Variants in TRAPPC9 observed in about 807,000 individuals in gnomAD.
The protein encoded by TRAPPC9 is trafficking protein particle complex subunit 9.
A neutral mutation model predicts 124.0 loss-of-function variants in TRAPPC9; 83 were observed. That is an observed-to-expected ratio of 0.67 (90% confidence interval 0.56 to 0.80). The LOEUF (loss-of-function observed/expected upper bound fraction) is 0.80, where lower values mean the gene tolerates loss of function less well. Ranked by LOEUF, TRAPPC9 falls within the 30% of genes least tolerant of loss-of-function variation. The pLI is 0.00. For synonymous variants in TRAPPC9, 638 were observed against 617.5 expected (o/e 1.03, Z -0.49); for missense variants, 1,302 against 1,508.3 (o/e 0.86, Z 2.27).
intron 21 of TRAPPC9, among the ~76,000 whole-genome samples, chr8:139,739,905 T>C (rs576510121): frequency 6.6e-6 from 1 of 152,092 alleles, no homozygotes; most frequent in African/African-American, 2.4e-5. Flanking sequence ...GCTGGACACA[T>C]AGATGGATGA....
intron 17 of TRAPPC9, among the ~76,000 whole-genome samples, chr8:140,178,981 T>G (rs1391554251): frequency 6.6e-6 from 1 of 152,148 alleles, no homozygotes; most frequent in South Asian, 2.1e-4. Context: ...GATATTGATA[T>G]GTTATGTCTT....
At chr8:140,283,786 T>C in intron 14 of TRAPPC9, 103 bp downstream of exon 14, 3 of 1,248,012 alleles carry the variant, frequency 2.4e-6, no homozygotes, top group Non-Finnish European at 2.3e-6. Context: ...TATATTCTGG[T>C]CATAAGAATT....
rs745940163 is a variant in TRAPPC9 at position 140,435,094 on chromosome 8, A to G, written c.859+18T>C. 3.1e-6 allele frequency: 5 copies of G among 1,614,152 alleles called. No homozygotes were observed. Among genetic ancestry groups the G allele is most frequent in the South Asian group, 2.2e-5 (2 of 91,074 alleles). The stretch of plus-strand genomic sequence containing the variant: ...AAGACTGCAAGTGAGCAGAGGCCGG[A>G]AAAAGGGCAGAGCTCACCTGGCCGG... On this transcript the variant is annotated intron_variant, in intron 4 of 22. Transcript: ENST00000438773.
intron 20 of TRAPPC9, among the ~76,000 whole-genome samples, chr8:139,888,372 A>G (rs563933196): frequency 1.3e-5 from 2 of 152,268 alleles, no homozygotes; most frequent in Admixed American, 6.5e-5. Flanking sequence ...CACTTTCTTC[A>G]TCTGTAAGAT....
At chr8:140,142,005 T>C (rs1035068477) in intron 17 of TRAPPC9, among the ~76,000 whole-genome samples, 5 of 152,228 alleles carry the variant, frequency 3.3e-5, no homozygotes, top group Admixed American at 6.5e-5. Flanking sequence ...TGATAGACTC[T>C]TCCAAGGCAA....
intron 21 of TRAPPC9, among the ~76,000 whole-genome samples, chr8:139,786,151 T>C (rs1822227748): frequency 6.6e-6 from 1 of 152,118 alleles, no homozygotes; most frequent in African/African-American, 2.4e-5. Context: ...GAGGTTGCAG[T>C]GAGCCAAGAT....
chr8:140,417,992 A>G (rs1256624104), intron 5 of TRAPPC9, among the ~76,000 whole-genome samples: 2 of 152,204 alleles, frequency 1.3e-5, no homozygotes, highest in South Asian at 2.1e-4. Context: ...GTTCTCACTC[A>G]TAAGTGGGAG....
chr8:140,051,576 C>CTTTTTTTTTTTT (rs1197128988), intron 17 of TRAPPC9, among the ~76,000 whole-genome samples: 3 of 88,010 alleles, frequency 3.4e-5, no homozygotes, highest in African/African-American at 4.7e-5. Flanking sequence ...ATTGTTCATT[C>CTTTTTTTTTTTT]TTTTTTTTTT....
intron 19 of TRAPPC9, among the ~76,000 whole-genome samples, chr8:139,968,084 G>C (rs887143054): frequency 6.6e-6 from 1 of 151,400 alleles, no homozygotes; most frequent in African/African-American, 2.4e-5. Flanking sequence ...GAGGTTGGGA[G>C]ACTGCAGTGA....
At chr8:140,328,348 G>C (rs1485425586) in intron 9 of TRAPPC9, among the ~76,000 whole-genome samples, 1 of 152,142 alleles carries the variant, frequency 6.6e-6, no homozygotes, top group East Asian at 1.9e-4. Context: ...TACTTAGGTA[G>C]AAATCTAACA....
At chr8:139,909,839 G>A (rs534838786) in intron 20 of TRAPPC9, among the ~76,000 whole-genome samples, 1 of 152,332 alleles carries the variant, frequency 6.6e-6, no homozygotes, top group Admixed American at 6.5e-5. Context: ...GCACTGATAG[G>A]TGGCCATTAG....
chr8:140,057,851 A>T (rs1039778568), intron 17 of TRAPPC9, among the ~76,000 whole-genome samples: 1 of 152,238 alleles, frequency 6.6e-6, no homozygotes, highest in African/African-American at 2.4e-5. Flanking sequence ...CACAATGGAA[A>T]AAAAATGAGA....
At chr8:139,815,368 C>T (rs1232123056) in intron 21 of TRAPPC9, among the ~76,000 whole-genome samples, 1 of 151,726 alleles carries the variant, frequency 6.6e-6, no homozygotes, top group Non-Finnish European at 1.5e-5. Flanking sequence ...ATTTCTAAAT[C>T]ACCACAACTA....
At position 140,243,881 on chromosome 8, in the gene TRAPPC9, T is replaced by C. The variant is rs148767415; in HGVS notation, c.2431+8896A>G. 1.0e-3 allele frequency among the ~76,000 whole-genome samples: 152 copies of C among 152,360 alleles called. No homozygotes were observed. The East Asian group carries it at 0.024, about 24-fold the overall frequency. On this transcript the variant is annotated intron_variant, in intron 16 of 22. Coordinates refer to ENST00000438773, the MANE Select transcript of TRAPPC9 (RefSeq NM_001160372.4). ...GGGCCCGCAACCCCTGGTGGCCTGT[T>C]AGGAACTGAGCCGCACAGCAGGAGG...
chr8:140,196,931 C>G (rs2062684907), intron 17 of TRAPPC9, among the ~76,000 whole-genome samples: 1 of 152,194 alleles, frequency 6.6e-6, no homozygotes, highest in Admixed American at 6.5e-5. Context: ...GACATGAAAA[C>G]ACACACAACG....
chr8:140,309,667 A>T (rs1479805988), intron 10 of TRAPPC9, among the ~76,000 whole-genome samples: 2 of 152,254 alleles, frequency 1.3e-5, no homozygotes, highest in Admixed American at 1.3e-4. Flanking sequence ...TCTAGACCTT[A>T]ATCTTTAAAA....
intron 14 of TRAPPC9, 128 bp downstream of exon 14, chr8:140,283,761 C>A: frequency 1.0e-6 from 1 of 993,856 alleles, no homozygotes; most frequent in South Asian, 1.4e-5. Flanking sequence ...GCTTATCTTA[C>A]AGAAATCCTT....
intron 17 of TRAPPC9, among the ~76,000 whole-genome samples, chr8:140,135,268 C>T (rs1015882872): frequency 6.6e-6 from 1 of 152,152 alleles, no homozygotes; most frequent in South Asian, 2.1e-4. Flanking sequence ...CCTCCAAAAA[C>T]TAAGCATAGA....
intron 21 of TRAPPC9, among the ~76,000 whole-genome samples, chr8:139,822,169 G>T (rs774707890): frequency 2.0e-5 from 3 of 152,160 alleles, no homozygotes; most frequent in African/African-American, 7.2e-5. Flanking sequence ...GGGCCAGGCC[G>T]TGGGGGAGGA....
Sources: gnomAD v4.1 joint callset for allele counts (sites outside exome capture counted in the v4.1 genomes callset) on GRCh38, gnomAD v4.1.1 for gene constraint, MANE v1.5 for transcripts, NCBI Gene and HGNC (gene_info 2026-07-23, HGNC 2026-07-21) for gene names.